Variants in SMG6 observed in about 807,000 individuals in gnomAD.
SMG6 encodes the protein SMG6 nonsense mediated mRNA decay factor, also known as telomerase-binding protein EST1A.
Under a neutral mutation model 142.2 loss-of-function variants are expected in SMG6, and 66 were observed. The ratio of observed to expected loss-of-function variants is 0.46; its 90% CI spans 0.38 to 0.57. The LOEUF is 0.57. SMG6 is among the 20% of genes least tolerant of loss of function. SMG6 has a pLI of 0.00. For missense variants in SMG6, 1,793 were observed against 1,832.0 expected, an observed-to-expected ratio of 0.98 and a Z score of 0.39; for synonymous variants, 779 against 702.4, an observed-to-expected ratio of 1.11 and a Z score of -1.72.
intron 10 of SMG6, among the ~76,000 whole-genome samples, chr17:2,195,114 A>G (rs765282945): frequency 6.6e-6 from 1 of 152,184 alleles, no homozygotes; most frequent in Non-Finnish European, 1.5e-5. Context: ...TTTGTTTCCA[A>G]TTCTTGTACG....
intron 2 of SMG6, among the ~76,000 whole-genome samples, chr17:2,298,590 C>T (rs1265257397): frequency 6.6e-6 from 1 of 151,678 alleles, no homozygotes. Flanking sequence ...TGGTGGCAGG[C>T]GCCTGTAGTC....
intron 13 of SMG6, among the ~76,000 whole-genome samples, 186 bp downstream of exon 13, chr17:2,172,472 G>T (rs1468226384): frequency 6.6e-6 from 1 of 151,928 alleles, no homozygotes; most frequent in African/African-American, 2.4e-5. Context: ...AAAGGAAGTC[G>T]AGAGGGCTTT....
chr17:2,156,741 A>G (rs1448934570), intron 13 of SMG6, among the ~76,000 whole-genome samples: 1 of 152,176 alleles, frequency 6.6e-6, no homozygotes, highest in Non-Finnish European at 1.5e-5. Flanking sequence ...TGTAGCCTCG[A>G]CCTTCCAGGC....
At chr17:2,210,638 T>C (rs914760401) in intron 10 of SMG6, among the ~76,000 whole-genome samples, 5 of 151,524 alleles carry the variant, frequency 3.3e-5, no homozygotes, top group African/African-American at 7.3e-5. Context: ...AATGCTGATA[T>C]ACTGGATGCT....
intron 10 of SMG6, among the ~76,000 whole-genome samples, chr17:2,217,449 G>A (rs1465097009): frequency 6.6e-6 from 1 of 151,864 alleles, no homozygotes; most frequent in Non-Finnish European, 1.5e-5. Context: ...GAAGCCACAC[G>A]GTCTTCAGGA....
At chr17:2,155,223 G>A (rs1218429272) in intron 13 of SMG6, among the ~76,000 whole-genome samples, 3 of 151,794 alleles carry the variant, frequency 2.0e-5, no homozygotes, top group Non-Finnish European at 4.4e-5. Flanking sequence ...CACCATGCCC[G>A]GCTACTTTTT....
At chr17:2,078,215 C>T (rs933429132) in intron 15 of SMG6, among the ~76,000 whole-genome samples, 1 of 152,010 alleles carries the variant, frequency 6.6e-6, no homozygotes, top group Non-Finnish European at 1.5e-5. Context: ...ACACTCTAAG[C>T]AACTACTTGA....
intron 1 of SMG6, among the ~76,000 whole-genome samples, chr17:2,301,947 A>C (rs2075287789): frequency 6.6e-6 from 1 of 151,904 alleles, no homozygotes; most frequent in Admixed American, 6.6e-5. Context: ...ACACAAATGG[A>C]ATGCTATATA....
intron 13 of SMG6, chr17:2,087,336 C>G: frequency 8.3e-7 from 1 of 1,209,972 alleles, no homozygotes; most frequent in Non-Finnish European, 1.1e-6. Context: ...GCTGTGCAGG[C>G]TGGCTGCCCA....
intron 10 of SMG6, 92 bp downstream of exon 10, chr17:2,236,400 A>AGGTAGGTAT (rs1274635562): frequency 7.8e-7 from 1 of 1,288,776 alleles, no homozygotes; most frequent in African/African-American, 1.5e-5. Context: ...GGGTGGGGGG[A>AGGTAGGTAT]GGTAGGTATG....
rs550621876 is a variant in SMG6 at position 2,178,308 on chromosome 17, C to T, written c.3156-5449G>A. Among the ~76,000 whole-genome samples, 91 of 152,260 alleles carry T rather than the reference C, an allele frequency of 6.0e-4. 3 individuals are homozygous for T. The South Asian group carries it at 0.019, about 31-fold the overall frequency. Reference sequence around the variant, plus strand: ...AAAGAAGAGACAAAGGTATCAAAGGCCACCATTCCAGGAGTTAAGATATGA... The same window carrying T: ...AAAGAAGAGACAAAGGTATCAAAGGTCACCATTCCAGGAGTTAAGATATGA... On this transcript the variant is annotated intron_variant, in intron 12 of 18. Transcript: ENST00000263073.
chr17:2,106,589 A>G (rs2069162093), intron 13 of SMG6, among the ~76,000 whole-genome samples: 1 of 152,210 alleles, frequency 6.6e-6, no homozygotes, highest in Non-Finnish European at 1.5e-5. Context: ...TCCGAGGACA[A>G]GGGAAAGGCT....
intron 8 of SMG6, among the ~76,000 whole-genome samples, chr17:2,265,484 T>G (rs1048723444): frequency 2.0e-5 from 3 of 150,802 alleles, no homozygotes; most frequent in Non-Finnish European, 2.9e-5. Context: ...CACTCCAGCC[T>G]GGACAACAGA....
At chr17:2,228,346 A>G (rs562226508) in intron 10 of SMG6, among the ~76,000 whole-genome samples, 1 of 152,246 alleles carries the variant, frequency 6.6e-6, no homozygotes, top group East Asian at 1.9e-4. Flanking sequence ...CTCCTGCCTC[A>G]GCCTCCTCAG....
At chr17:2,222,154 A>G (rs2073187814) in intron 10 of SMG6, among the ~76,000 whole-genome samples, 1 of 152,232 alleles carries the variant, frequency 6.6e-6, no homozygotes, top group Non-Finnish European at 1.5e-5. Context: ...AGAGACCCCT[A>G]TAAGCAGGGA....
At chr17:2,135,214 G>A (rs777805307) in intron 13 of SMG6, among the ~76,000 whole-genome samples, 1 of 152,192 alleles carries the variant, frequency 6.6e-6, no homozygotes, top group Non-Finnish European at 1.5e-5. Flanking sequence ...AATAGTAATT[G>A]TATATATTTA....
At chr17:2,164,490 C>T (rs2071274369) in intron 13 of SMG6, among the ~76,000 whole-genome samples, 2 of 152,092 alleles carry the variant, frequency 1.3e-5, no homozygotes, top group Admixed American at 6.5e-5. Flanking sequence ...CACTTGTAAT[C>T]CCAGCTACTA....
At chr17:2,209,456 A>G (rs2072783782) in intron 10 of SMG6, among the ~76,000 whole-genome samples, 1 of 152,102 alleles carries the variant, frequency 6.6e-6, no homozygotes, top group African/African-American at 2.4e-5. Context: ...TCCACCTCCC[A>G]GGTTCAAGCG....
At chr17:2,229,961 G>A (rs561020157) in intron 10 of SMG6, among the ~76,000 whole-genome samples, 24 of 151,886 alleles carry the variant, frequency 1.6e-4, no homozygotes, top group African/African-American at 5.3e-4. Context: ...TGAGGTGGGC[G>A]GATCACTTGA....
Sources: allele counts gnomAD v4.1 joint callset (sites outside exome capture counted in the v4.1 genomes callset), GRCh38; gene constraint gnomAD v4.1.1; transcripts MANE v1.5; gene names NCBI Gene and HGNC (gene_info 2026-07-23, HGNC 2026-07-21).